Variants in C3orf22 observed in about 807,000 individuals in gnomAD.
The protein encoded by C3orf22 is chromosome 3 open reading frame 22.
Under a neutral mutation model 10.8 loss-of-function variants are expected in C3orf22, and 7 were observed. That is an observed-to-expected ratio of 0.65 (90% CI 0.37 to 1.22). The LOEUF is 1.22. Ranked by LOEUF, C3orf22 falls within the 50% of genes most tolerant of loss-of-function variation. C3orf22 has a pLI of 0.02. For synonymous variants in C3orf22, 79 were observed against 78.9 expected, an observed-to-expected ratio of 1.00 and a Z score of 0.00; for missense variants, 173 against 177.0, an observed-to-expected ratio of 0.98 and a Z score of 0.13.
intron 4 of C3orf22, chr3:126,542,837 C>T: frequency 2.5e-6 from 1 of 402,536 alleles, no homozygotes. Flanking sequence ...AGGCACCTCT[C>T]CAGGCCCCGT....
intron 4 of C3orf22, among the ~76,000 whole-genome samples, chr3:126,531,877 C>T (rs747853304): frequency 1.2e-4 from 19 of 152,150 alleles, no homozygotes; most frequent in Admixed American, 5.2e-4. Context: ...TTTAAGAAAC[C>T]ACCAAACTGT....
chr3:126,542,337 A>G (rs1345498837), intron 4 of C3orf22: 1 of 1,566,410 alleles, frequency 6.4e-7, no homozygotes, highest in Non-Finnish European at 8.6e-7. Flanking sequence ...CTCCGCTACG[A>G]CGTCGTGGGC....
intron 4 of C3orf22, among the ~76,000 whole-genome samples, chr3:126,543,665 T>A (rs1009750072): frequency 2.6e-5 from 4 of 151,894 alleles, no homozygotes; most frequent in African/African-American, 9.7e-5. Flanking sequence ...CATGAGTGTG[T>A]GAGTATATGA....
At chr3:126,555,953 T>G (rs1937318849) in intron 1 of C3orf22, among the ~76,000 whole-genome samples, 1 of 152,102 alleles carries the variant, frequency 6.6e-6, no homozygotes, top group South Asian at 2.1e-4. Context: ...TCCTCCCACA[T>G]CTGGTGGGCA....
At chr3:126,538,390 T>TA (rs1291583263) in intron 4 of C3orf22, among the ~76,000 whole-genome samples, 1 of 152,212 alleles carries the variant, frequency 6.6e-6, no homozygotes, top group Non-Finnish European at 1.5e-5. Context: ...CTTTTCACCC[T>TA]AAGGGAGTCT....
chr3:126,541,045 GC>G (rs1252204691), intron 4 of C3orf22, among the ~76,000 whole-genome samples: 1 of 152,212 alleles, frequency 6.6e-6, no homozygotes, highest in Non-Finnish European at 1.5e-5. Context: ...GCATGGAAGC[GC>G]TGGCCTGGGT....
At chr3:126,543,821 T>A (rs1937023936) in intron 4 of C3orf22, among the ~76,000 whole-genome samples, 2 of 152,192 alleles carry the variant, frequency 1.3e-5, no homozygotes, top group South Asian at 4.1e-4. Context: ...CCCAGGGCTG[T>A]GTCCAGAGGC....
chr3:126,531,625 C>T lies in C3orf22; in HGVS notation c.287-2253G>A, dbSNP rs186808950. ...ATAACGTTTACAAGGTTCAGCCACA[C>T]GGAAGCATGAGCCAATTCTTCATTC... On this transcript the variant is annotated intron_variant and NMD_transcript_variant, in intron 4 of 5. Transcript: ENST00000505070. Among the ~76,000 whole-genome samples, 139 of 152,300 alleles carry T rather than the reference C, an allele frequency of 9.1e-4. No individual in the cohort carries two copies. The Middle Eastern group carries it at 0.041, about 45-fold the overall frequency.
chr3:126,545,463 C>T (rs146653633), downstream of C3orf22, among the ~76,000 whole-genome samples: 1 of 152,296 alleles, frequency 6.6e-6, no homozygotes, highest in African/African-American at 2.4e-5. Flanking sequence ...TTTTTCTTTT[C>T]AGTTTTATTC....
At chr3:126,529,623 G>A (rs1315949322) in intron 4 of C3orf22, among the ~76,000 whole-genome samples, 1 of 152,124 alleles carries the variant, frequency 6.6e-6, no homozygotes. Context: ...CCGGCACTGT[G>A]CTGGGGCCTG....
chr3:126,553,559 C>T (rs2107583230), intron 1 of C3orf22, 129 bp from the exon 2 acceptor site: 2 of 638,878 alleles, frequency 3.1e-6, no homozygotes, highest in Non-Finnish European at 5.6e-6. Context: ...CCTGTGCATG[C>T]ACCGCTGTGT....
rs143847322 is a variant in C3orf22 at position 126,550,988 on chromosome 3, G to A, written c.216-910C>T. Among the ~76,000 whole-genome samples, 192 of 152,384 alleles carry A rather than the reference G, an allele frequency of 1.3e-3. 1 individual carries two copies. Among genetic ancestry groups the A allele is most frequent in the African/African-American group, 4.4e-3 (183 of 41,606 alleles). On this transcript the variant is annotated intron_variant, in intron 3 of 3. Transcript: ENST00000318225. Reference sequence around the variant, plus strand: ...CCAGCCCTGGCCGCTAAGCCCCATTGCTTCAGCTCGGCGATGTGGGGCAAA... The same window carrying A: ...CCAGCCCTGGCCGCTAAGCCCCATTACTTCAGCTCGGCGATGTGGGGCAAA...
At chr3:126,539,748 C>CCACA (rs752667657) in intron 4 of C3orf22, among the ~76,000 whole-genome samples, 7,530 of 98,354 alleles carry the variant, frequency 0.077, 683 homozygotes, top group African/African-American at 0.19. Context: ...ACACCCCACA[C>CCACA]CACACACTCC....
At chr3:126,535,919 C>T (rs1936780116) in intron 4 of C3orf22, among the ~76,000 whole-genome samples, 1 of 152,244 alleles carries the variant, frequency 6.6e-6, no homozygotes, top group Non-Finnish European at 1.5e-5. Context: ...AGGGTTGGGG[C>T]ATGAGGCCAG....
In C3orf22 at chr3:126,552,061, A is replaced by G. The variant is rs771787099; in HGVS notation, c.151T>C (p.Ser51Pro). 4 of 1,613,662 alleles carry G rather than the reference A, an allele frequency of 2.5e-6. No individual in the cohort carries two copies. Among genetic ancestry groups the G allele is most frequent in the Non-Finnish European group, 3.4e-6 (4 of 1,179,812 alleles). Residue 51 changes from serine to proline, a missense_variant, in exon 3 of 4, where the codon TCG becomes CCG. By Grantham distance (74) the Ser-to-Pro change is moderately conservative. Coordinates refer to ENST00000318225, the MANE Select transcript of C3orf22 (RefSeq NM_152533.3). ...TGCAGGGGCAGCTGCACCGTGTTCG[A>G]GTCGTTTGTGACCTCCCAGGGCTGC... is the stretch of plus-strand genomic sequence containing the variant. ...PLQPWEVTND[S>P]NTVQLPLQKR...
chr3:126,550,370 TG>T (rs1937154282), intron 3 of C3orf22, among the ~76,000 whole-genome samples: 1 of 152,158 alleles, frequency 6.6e-6, no homozygotes, highest in Admixed American at 6.5e-5. Flanking sequence ...CATAAGTGGC[TG>T]GGGACGTGGT....
At chr3:126,549,531 A>T (rs1394991850), downstream of C3orf22, 3 of 703,594 alleles carry the variant, frequency 4.3e-6, no homozygotes, top group Non-Finnish European at 4.5e-6. Flanking sequence ...AACAGCATTT[A>T]CTTACCTGTG....
intron 4 of C3orf22, among the ~76,000 whole-genome samples, chr3:126,530,063 C>T (rs577837564): frequency 6.6e-6 from 1 of 152,208 alleles, no homozygotes; most frequent in Non-Finnish European, 1.5e-5. Flanking sequence ...GGGGCCAGCC[C>T]CCAGCTGGCC....
Position 126,538,500 on chromosome 3 carries a change from C to T in C3orf22, c.287-9128G>A, listed in dbSNP as rs1183712885. ...GACCCAGTGCTTCAGCAACGACACA[C>T]GAAGCTGAAGATATGGCTCCCTGAA... On this transcript the variant is annotated intron_variant and NMD_transcript_variant, in intron 4 of 5. Transcript: ENST00000505070. 3.3e-5 allele frequency among the ~76,000 whole-genome samples: 5 copies of T among 152,226 alleles called. No individual in the cohort carries two copies. In the South Asian group the frequency reaches 6.2e-4, roughly 19 times the overall value.
Sources: allele counts gnomAD v4.1 joint callset (sites outside exome capture counted in the v4.1 genomes callset), GRCh38; gene constraint gnomAD v4.1.1; transcripts MANE v1.5; gene names NCBI Gene and HGNC (gene_info 2026-07-23, HGNC 2026-07-21).